CNTN3: variants seen among roughly 807,000 people sequenced by gnomAD.
The protein encoded by CNTN3 is contactin 3, also known as contactin-3.
Under a neutral mutation model 119.1 loss-of-function variants are expected in CNTN3, and 60 were observed. That is an observed-to-expected ratio of 0.50 (90% confidence interval 0.41 to 0.62). The LOEUF (loss-of-function observed/expected upper bound fraction) is 0.62, where lower values mean the gene tolerates loss of function less well. Among genes scored for constraint, CNTN3 ranks in the 20% least tolerant of loss-of-function variants. The pLI, the probability that CNTN3 is intolerant of heterozygous loss-of-function variation, is 0.00. For missense variants in CNTN3, 1,101 were observed against 1,242.4 expected, an observed-to-expected ratio of 0.89 and a Z score of 1.71; for synonymous variants, 450 against 438.7, an observed-to-expected ratio of 1.03 and a Z score of -0.32.
intron 13 of CNTN3, among the ~76,000 whole-genome samples, chr3:74,322,369 A>G (rs1243865106): frequency 6.6e-6 from 1 of 152,176 alleles, no homozygotes; most frequent in Non-Finnish European, 1.5e-5. Context: ...CAAAGACTAT[A>G]TGCAGATGGC....
intron 1 of CNTN3, among the ~76,000 whole-genome samples, chr3:74,555,226 T>C (rs1007892174): frequency 7.2e-5 from 11 of 152,206 alleles, no homozygotes; most frequent in Non-Finnish European, 1.5e-5. Flanking sequence ...TATTGATTTG[T>C]GTATGTTGAA....
At chr3:74,569,610 C>A (rs1227712576) in intron 1 of CNTN3, among the ~76,000 whole-genome samples, 2 of 152,138 alleles carry the variant, frequency 1.3e-5, no homozygotes, top group Non-Finnish European at 2.9e-5. Flanking sequence ...TGATAAGGAC[C>A]ACCATCATTG....
chr3:74,363,309 T>G (rs1441511714), intron 10 of CNTN3, among the ~76,000 whole-genome samples: 1 of 152,194 alleles, frequency 6.6e-6, no homozygotes, highest in Non-Finnish European at 1.5e-5. Flanking sequence ...GCAGGGTTTT[T>G]TCAATCACTC....
intron 4 of CNTN3, among the ~76,000 whole-genome samples, chr3:74,431,664 T>A (rs1008046334): frequency 6.6e-6 from 1 of 152,124 alleles, no homozygotes; most frequent in Non-Finnish European, 1.5e-5. Flanking sequence ...ACATGTGCAA[T>A]TGGGCACATA....
intron 13 of CNTN3, among the ~76,000 whole-genome samples, chr3:74,326,795 T>G (rs977424442): frequency 1.6e-4 from 24 of 152,188 alleles, no homozygotes; most frequent in African/African-American, 5.5e-4. Flanking sequence ...ATAGTCACCT[T>G]TTATTTGTTT....
chr3:74,603,670 A>T (rs1704947677), intron 1 of CNTN3, among the ~76,000 whole-genome samples: 1 of 152,168 alleles, frequency 6.6e-6, no homozygotes, highest in South Asian at 2.1e-4. Context: ...ATGGAAGAAG[A>T]TACAAATAAA....
At chr3:74,483,854 C>T (rs1440421741) in intron 4 of CNTN3, among the ~76,000 whole-genome samples, 1 of 152,038 alleles carries the variant, frequency 6.6e-6, no homozygotes, top group Admixed American at 6.6e-5. Context: ...AACTTCACCC[C>T]ACTCTGCCCA....
intron 1 of CNTN3, among the ~76,000 whole-genome samples, chr3:74,556,376 C>A (rs1325674916): frequency 6.6e-6 from 1 of 152,140 alleles, no homozygotes; most frequent in Non-Finnish European, 1.5e-5. Context: ...TTATTCTGGG[C>A]ATTTCATATA....
intron 5 of CNTN3, among the ~76,000 whole-genome samples, chr3:74,380,198 T>C (rs1007225859): frequency 3.9e-5 from 6 of 152,234 alleles, no homozygotes; most frequent in Non-Finnish European, 7.3e-5. Context: ...TAGAAAGCAA[T>C]CTTAAGATTA....
chr3:74,390,822 G>A (rs946752651), intron 5 of CNTN3, among the ~76,000 whole-genome samples: 1 of 152,148 alleles, frequency 6.6e-6, no homozygotes, highest in Admixed American at 6.5e-5. Flanking sequence ...AGATAAATGG[G>A]CGAGTGTCAC....
intron 13 of CNTN3, among the ~76,000 whole-genome samples, chr3:74,334,265 C>A (rs1396734447): frequency 6.6e-6 from 1 of 152,134 alleles, no homozygotes; most frequent in Admixed American, 6.5e-5. Context: ...AGTTTGTGCA[C>A]CTGTACAATG....
rs1372491914 is a variant in CNTN3 at position 74,301,865 on chromosome 3, T to C, written c.1787-60A>G. ...GTTCCATAAATGTCATCCTCTCCTATCAAAGAGAAGAGAATGTCACATGAC... is the reference window on the plus strand; with the variant it reads ...GTTCCATAAATGTCATCCTCTCCTACCAAAGAGAAGAGAATGTCACATGAC... On this transcript the variant is annotated intron_variant, in intron 14 of 22. Transcript: ENST00000263665. 11 of 1,560,414 alleles carry C rather than the reference T, an allele frequency of 7.0e-6. No homozygotes were observed. The East Asian group carries it at 1.3e-4, about 19-fold the overall frequency.
chr3:74,584,550 C>T (rs1344343332), intron 1 of CNTN3, among the ~76,000 whole-genome samples: 6 of 152,022 alleles, frequency 3.9e-5, no homozygotes, highest in Non-Finnish European at 5.9e-5. Context: ...GAGGTCCTCA[C>T]CACAAGCAGA....
At chr3:74,600,219 G>C (rs191043624) in intron 1 of CNTN3, among the ~76,000 whole-genome samples, 1 of 151,962 alleles carries the variant, frequency 6.6e-6, no homozygotes, top group Non-Finnish European at 1.5e-5. Context: ...AGGTGAATAG[G>C]GGAGTTGAAA....
At chr3:74,470,092 A>G (rs1041404108) in intron 4 of CNTN3, among the ~76,000 whole-genome samples, 1 of 152,192 alleles carries the variant, frequency 6.6e-6, no homozygotes, top group Admixed American at 6.5e-5. Context: ...AAGAACACAC[A>G]GTGCATGATT....
chr3:74,573,314 C>T (rs1337909778), intron 1 of CNTN3, among the ~76,000 whole-genome samples: 1 of 151,668 alleles, frequency 6.6e-6, no homozygotes, highest in Non-Finnish European at 1.5e-5. Context: ...CCTGTCCCAT[C>T]CCCCACTCCC....
chr3:74,336,806 A>T, intron 11 of CNTN3, 148 bp from the exon 12 acceptor site: 1 of 558,076 alleles, frequency 1.8e-6, no homozygotes, highest in Non-Finnish European at 3.0e-6. Context: ...ATACAAAAAA[A>T]AAAAAAGAAA....
At chr3:74,414,855 C>T (rs13087658) in intron 5 of CNTN3, among the ~76,000 whole-genome samples, 60,228 of 149,162 alleles carry the variant, frequency 0.4, 13,884 homozygotes, top group East Asian at 0.62. Context: ...ATTCTTGGAT[C>T]TCACCTGGTG....
intron 1 of CNTN3, among the ~76,000 whole-genome samples, chr3:74,548,422 C>T (rs1703944270): frequency 1.3e-5 from 2 of 152,182 alleles, no homozygotes; most frequent in Admixed American, 6.5e-5. Flanking sequence ...TTATCAAATG[C>T]TTTTTCAGTA....
Sources: allele counts gnomAD v4.1 joint callset (sites outside exome capture counted in the v4.1 genomes callset), GRCh38; gene constraint gnomAD v4.1.1; transcripts MANE v1.5; gene names NCBI Gene and HGNC (gene_info 2026-07-23, HGNC 2026-07-21).